The following TOP2B variants were observed in gnomAD, a reference collection of about 807,000 sequenced individuals.
TOP2B encodes the protein DNA topoisomerase II beta.
TOP2B carries 51 observed loss-of-function variants against 193.5 expected under a neutral mutation model. That is an observed-to-expected ratio of 0.26 (90% confidence interval 0.21 to 0.33). The LOEUF is 0.33. Ranked by LOEUF, TOP2B falls within the 10% of genes least tolerant of loss-of-function variation. TOP2B has a pLI of 1.00. For missense variants in TOP2B, 1,378 were observed against 1,909.3 expected (o/e 0.72, Z 5.19); for synonymous variants, 634 against 635.7 (o/e 1.00, Z 0.04).
chr3:25,611,418 T>C (rs772274808), intron 28 of TOP2B, among the ~76,000 whole-genome samples: 7 of 152,180 alleles, frequency 4.6e-5, no homozygotes, highest in Non-Finnish European at 1.0e-4. Context: ...CTTCAAATAT[T>C]AGCTCTGCAC....
intron 1 of TOP2B, among the ~76,000 whole-genome samples, chr3:25,660,972 G>A (rs1023524902): frequency 6.6e-6 from 1 of 151,674 alleles, no homozygotes; most frequent in African/African-American, 2.4e-5. Context: ...AGAATGAGAA[G>A]GGATAAAGTG....
intron 28 of TOP2B, among the ~76,000 whole-genome samples, chr3:25,611,266 C>G (rs913538541): frequency 6.6e-6 from 1 of 152,096 alleles, no homozygotes; most frequent in Non-Finnish European, 1.5e-5. Flanking sequence ...TGAAAAGAAA[C>G]CATCTTCCGA....
At chr3:25,646,967 TTC>T (rs1703431867) in intron 1 of TOP2B, among the ~76,000 whole-genome samples, 1 of 152,208 alleles carries the variant, frequency 6.6e-6, no homozygotes, top group Admixed American at 6.5e-5. Context: ...TTAAACTATA[TTC>T]TTATACATTC....
Position 25,604,836 on chromosome 3 carries a change from A to G in TOP2B, c.4413T>C (p.Ser1471=). 1.2e-6 allele frequency: 2 copies of G among 1,612,912 alleles called. No individual in the cohort carries two copies. The highest frequency in any genetic ancestry group is 1.7e-6 in the Non-Finnish European group (2 of 1,179,348). ...CAAATGATGGTGAAAAAACAGAAGC[A>G]GAATCTTCTTCATTACTGTCAAATT... The part of the protein sequence containing the change: ...SAKFDSNEED[S]ASVFSPSFGL... Residue 1471 remains serine (S), a synonymous_variant, in exon 33 of 36, where the codon TCT becomes TCC. Coordinates refer to ENST00000264331, the MANE Select transcript of TOP2B (RefSeq NM_001330700.2).
At chr3:25,643,626 T>C in intron 3 of TOP2B, 68 bp downstream of exon 3, 21 of 1,209,626 alleles carry the variant, frequency 1.7e-5, no homozygotes, top group Non-Finnish European at 2.2e-5. Flanking sequence ...TAAGTCTGGC[T>C]TTATATATAA....
chr3:25,653,151 C>T (rs1386193818), intron 1 of TOP2B, among the ~76,000 whole-genome samples: 1 of 152,044 alleles, frequency 6.6e-6, no homozygotes, highest in Non-Finnish European at 1.5e-5. Flanking sequence ...AAAAACTTCC[C>T]AACAAAGAAA....
intron 4 of TOP2B, among the ~76,000 whole-genome samples, chr3:25,639,467 C>A (rs1433409557): frequency 2.0e-5 from 3 of 152,172 alleles, no homozygotes; most frequent in Non-Finnish European, 4.4e-5. Context: ...GCCACCACGA[C>A]TGGCTAATTT....
At position 25,623,546 on chromosome 3, in the gene TOP2B, C is replaced by T. The variant is rs1303080575; in HGVS notation, c.2696G>A (p.Arg899Gln). The T allele has an allele frequency of 3.7e-6, 6 of 1,613,806 alleles. No homozygotes were observed. In the South Asian group the frequency reaches 4.4e-5, roughly 12 times the overall value. The change falls in exon 21 of 36, where the codon CGA becomes CAA. Residue 899 changes from arginine (R) to glutamine (Q), a missense_variant. Physicochemically the swap from Arg to Gln is conservative, Grantham distance 43. This residue lies in a region of TOP2B where 379 missense variants were observed against 615.1 expected (regional missense o/e 0.62). Coordinates refer to ENST00000264331, the MANE Select transcript of TOP2B (RefSeq NM_001330700.2). ...ATGAGGATCCAGGCCATCTAGCATT[C>T]GTCTGACATTGTTCACAATTTCCCT... The part of the protein sequence containing the change: ...DAREIVNNVR[R>Q]MLDGLDPHPM...
At chr3:25,605,948 G>T (rs1702227397) in intron 32 of TOP2B, 95 bp downstream of exon 32, 1 of 646,968 alleles carries the variant, frequency 1.5e-6, no homozygotes, top group Non-Finnish European at 2.3e-6. Context: ...TAAAAATTCT[G>T]AAGTTAAATC....
chr3:25,626,747 C>G (rs1384144604), intron 17 of TOP2B, 25 bp downstream of exon 17: 2 of 1,569,098 alleles, frequency 1.3e-6, no homozygotes, highest in African/African-American at 1.4e-5. Context: ...CTTCTTTCCC[C>G]AGGTCACCAC....
At chr3:25,637,743 A>C (rs1703143750) in intron 5 of TOP2B, among the ~76,000 whole-genome samples, 1 of 152,060 alleles carries the variant, frequency 6.6e-6, no homozygotes, top group African/African-American at 2.4e-5. Context: ...AACATAAATA[A>C]GTATGAAAAT....
At position 25,620,693 on chromosome 3, in the gene TOP2B, T is replaced by C. The variant is rs745682659; in HGVS notation, c.2851A>G (p.Thr951Ala). The C allele has an allele frequency of 3.1e-6, 5 of 1,612,462 alleles. No homozygotes were observed. Among genetic ancestry groups the C allele is most frequent in the Admixed American group, 1.7e-5 (1 of 59,842 alleles). The change falls in exon 22 of 36, where the codon ACT becomes GCT. Residue 951 changes from threonine (T) to alanine (A), a missense_variant. Around this residue, in one of 9 missense-constraint regions of TOP2B, gnomAD observed 379 missense variants for 615.1 expected, o/e 0.62. Transcript: ENST00000264331. Reference protein sequence around the residue: ...TVEITELPVRTWTQVYKEQVL... With the variant: ...TVEITELPVRAWTQVYKEQVL... ...ATATTTACACTGACCTGTGTCCAAG[T>C]TCTAACTGGAAGCTCTGTAATTTCT... is the stretch of plus-strand genomic sequence containing the variant.
chr3:25,633,854 A>G lies in TOP2B; in HGVS notation c.1013T>C (p.Ile338Thr). ...GFQQISFVNS[I>T]ATTKGGRHVD... ...TTGCTTACTTACTTTTGTAGTTGCA[A>G]TACTATTTACAAAGCTGATTTGCTG... The change falls in exon 8 of 36, where the codon ATT becomes ACT. Residue 338 changes from isoleucine to threonine, a missense_variant. Ile to Thr is a moderately conservative substitution (Grantham distance 89, BLOSUM62 -1). This residue lies in a region of TOP2B where 222 missense variants were observed against 306.6 expected (regional missense o/e 0.72). Coordinates refer to ENST00000264331, the MANE Select transcript of TOP2B (RefSeq NM_001330700.2). The G allele has an allele frequency of 6.2e-7, 1 of 1,610,708 alleles. No individual in the cohort carries two copies. Among genetic ancestry groups the G allele is most frequent in the Non-Finnish European group, 8.5e-7 (1 of 1,178,494 alleles).
At chr3:25,641,535 A>AG (rs1703265004) in intron 4 of TOP2B, among the ~76,000 whole-genome samples, 1 of 129,304 alleles carries the variant, frequency 7.7e-6, no homozygotes. Flanking sequence ...AAAAAAATGG[A>AG]GAAAAAAATA....
chr3:25,664,584 G>T lies in TOP2B; in HGVS notation c.-287C>A, dbSNP rs1559514189. On this transcript the variant is annotated 5_prime_UTR_variant, in exon 1 of 36. Coordinates refer to ENST00000264331, the MANE Select transcript of TOP2B (RefSeq NM_001330700.2). The stretch of plus-strand genomic sequence containing the variant: ...AGCGACCGGCGGCGGCCGAGCGGCG[G>T]CGTTGCCTTCTCGCCCGCCCGCGGG... 1 of 1,032,234 alleles carries T rather than the reference G, an allele frequency of 9.7e-7. No homozygotes were observed. Among genetic ancestry groups the T allele is most frequent in the Admixed American group, 5.7e-5 (1 of 17,508 alleles). The allele number at this position is 1,032,234 out of a possible 1,614,324, so 63.9% of individuals were successfully genotyped here. A position where few individuals can be genotyped will look rare whatever the true frequency, so the allele number is the denominator to read the frequency against.
At chr3:25,630,973 C>G (rs1702937492) in intron 10 of TOP2B, 34 bp from the exon 11 acceptor site, 3 of 1,536,990 alleles carry the variant, frequency 2.0e-6, no homozygotes, top group Non-Finnish European at 2.6e-6. Context: ...TACAAACAAG[C>G]TGAAAATTCA....
At chr3:25,607,523 C>T (rs1702265009) in intron 30 of TOP2B, 148 bp from the exon 31 acceptor site, 2 of 1,149,714 alleles carry the variant, frequency 1.7e-6, no homozygotes, top group Admixed American at 2.9e-5. Flanking sequence ...GAATAAAAGC[C>T]AACAACTTTG....
chr3:25,620,105 C>G, intron 22 of TOP2B, 43 bp from the exon 23 acceptor site: 1 of 1,206,294 alleles, frequency 8.3e-7, no homozygotes, highest in Non-Finnish European at 1.2e-6. Context: ...ATGACACACT[C>G]TCATGTTCTC....
At chr3:25,622,063 C>T (rs1050184669) in intron 21 of TOP2B, among the ~76,000 whole-genome samples, 2 of 151,974 alleles carry the variant, frequency 1.3e-5, no homozygotes, top group African/African-American at 4.8e-5. Context: ...AAGCAACTAT[C>T]AATATCGTTT....
Sources: allele counts gnomAD v4.1 joint callset (sites outside exome capture counted in the v4.1 genomes callset), GRCh38; gene constraint gnomAD v4.1.1; regional missense constraint gnomAD v4.1.1; transcripts MANE v1.5; gene names NCBI Gene and HGNC (gene_info 2026-07-23, HGNC 2026-07-21).